The following PPP2R5E variants were observed in gnomAD, a reference collection of about 807,000 sequenced individuals.
PPP2R5E encodes serine/threonine-protein phosphatase 2A 56 kDa regulatory subunit epsilon isoform.
Under a neutral mutation model 65.3 loss-of-function variants are expected in PPP2R5E, and 4 were observed. The ratio of observed to expected loss-of-function variants is 0.06; its 90% CI spans 0.03 to 0.14. PPP2R5E has a LOEUF of 0.14. Ranked by LOEUF, PPP2R5E falls within the 10% of genes least tolerant of loss-of-function variation. The probability of loss-of-function intolerance (pLI) is 1.00; values close to 1 mark genes in which losing one functional copy is unlikely to be tolerated. For missense variants in PPP2R5E, 274 were observed against 556.1 expected (o/e 0.49, Z 5.10); for synonymous variants, 183 against 187.4 (o/e 0.98, Z 0.19).
intron 5 of PPP2R5E, among the ~76,000 whole-genome samples, chr14:63,412,433 AT>A (rs1289336198): frequency 6.6e-6 from 1 of 152,242 alleles, no homozygotes; most frequent in African/African-American, 2.4e-5. Flanking sequence ...CGACAAGGGA[AT>A]GAAAAAGCCA....
chr14:63,422,197 AG>A, intron 3 of PPP2R5E, 103 bp from the exon 4 acceptor site: 1 of 895,018 alleles, frequency 1.1e-6, no homozygotes. Flanking sequence ...ACAATGCACA[AG>A]GAACATCACC....
rs368414049 is a variant in PPP2R5E, at chr14:63,422,101, A to T, written c.355-7T>A. On this transcript the variant is annotated splice_polypyrimidine_tract_variant and splice_region_variant and intron_variant, in intron 3 of 13. Transcript: ENST00000337537. Reference sequence around the variant, plus strand: ...TGAATATATTGCAAGATACCTAAAAATAAACAAGCAGCAGAGTTAACGGGA... The same window carrying T: ...TGAATATATTGCAAGATACCTAAAATTAAACAAGCAGCAGAGTTAACGGGA... 4.4e-5 allele frequency: 71 copies of T among 1,602,848 alleles called. No homozygotes were observed. The highest frequency in any genetic ancestry group is 6.0e-5 in the Non-Finnish European group (70 of 1,170,002).
intron 2 of PPP2R5E, among the ~76,000 whole-genome samples, chr14:63,510,769 T>G (rs1892419495): frequency 2.0e-5 from 3 of 152,212 alleles, no homozygotes; most frequent in Non-Finnish European, 4.4e-5. Flanking sequence ...TTATTCTGAA[T>G]GAAATGAGAA....
chr14:63,540,038 T>C (rs975349036), intron 1 of PPP2R5E, among the ~76,000 whole-genome samples: 2 of 150,572 alleles, frequency 1.3e-5, no homozygotes, highest in Admixed American at 1.3e-4. Context: ...GGTGAAAGAA[T>C]CGCTTGAACC....
At chr14:63,453,467 T>A (rs1888961270) in intron 3 of PPP2R5E, 1 of 339,994 alleles carries the variant, frequency 2.9e-6, no homozygotes, top group South Asian at 1.2e-4. Flanking sequence ...TTTGAAGTCA[T>A]TTATTGCTTC....
At chr14:63,522,995 C>T (rs377231090) in intron 2 of PPP2R5E, among the ~76,000 whole-genome samples, 14,119 of 138,792 alleles carry the variant, frequency 0.1, 705 homozygotes, top group Middle Eastern at 0.17. Flanking sequence ...CCGCCCCGTC[C>T]GGGAGGTGAG....
rs80173933 is a variant in PPP2R5E, at chr14:63,435,873, C to T, written c.355-13779G>A. On this transcript the variant is annotated intron_variant, in intron 3 of 13. Transcript: ENST00000337537. Reference sequence around the variant, plus strand: ...CATCACAGGGAAATGATATTTCACACAGAGATGACTGTATTGTACTCGCTC... The same window carrying T: ...CATCACAGGGAAATGATATTTCACATAGAGATGACTGTATTGTACTCGCTC... 7.6e-4 allele frequency among the ~76,000 whole-genome samples: 116 copies of T among 152,292 alleles called. 2 individuals are homozygous for T. In the East Asian group the frequency reaches 0.02, roughly 26 times the overall value.
intron 2 of PPP2R5E, among the ~76,000 whole-genome samples, chr14:63,521,552 A>G (rs1441925246): frequency 1.3e-5 from 2 of 151,996 alleles, no homozygotes; most frequent in East Asian, 3.9e-4. Flanking sequence ...CGGTAATCCC[A>G]CTCAGGAGGC....
At chr14:63,487,374 CTT>C (rs981001067) in intron 2 of PPP2R5E, among the ~76,000 whole-genome samples, 8 of 152,028 alleles carry the variant, frequency 5.3e-5, no homozygotes, top group African/African-American at 1.5e-4. Context: ...TTAAATTCCT[CTT>C]GTCTTTTTCT....
intron 5 of PPP2R5E, among the ~76,000 whole-genome samples, chr14:63,404,536 G>C (rs544672446): frequency 6.6e-6 from 1 of 152,172 alleles, no homozygotes; most frequent in African/African-American, 2.4e-5. Context: ...CGACTCAAGG[G>C]ATGCACTGTA....
chr14:63,538,896 C>A (rs1202777712), intron 2 of PPP2R5E, among the ~76,000 whole-genome samples: 3 of 151,610 alleles, frequency 2.0e-5, no homozygotes, highest in African/African-American at 7.3e-5. Context: ...TGTGAACCAG[C>A]CTGAGCAACA....
chr14:63,394,146 A>G (rs1566670932), intron 7 of PPP2R5E, among the ~76,000 whole-genome samples: 1 of 146,150 alleles, frequency 6.8e-6, no homozygotes. Flanking sequence ...CAGTGGCCCA[A>G]TCTCAGCTCA....
chr14:63,406,501 A>G (rs1886102453), intron 5 of PPP2R5E, among the ~76,000 whole-genome samples: 1 of 152,166 alleles, frequency 6.6e-6, no homozygotes. Context: ...GAAAAGCCAA[A>G]AGATCTAGCA....
chr14:63,491,377 T>G (rs2139634164), intron 2 of PPP2R5E, among the ~76,000 whole-genome samples: 1 of 151,850 alleles, frequency 6.6e-6, no homozygotes, highest in Middle Eastern at 3.4e-3. Flanking sequence ...ATCTATAATT[T>G]TAAAAAAAAA....
intron 2 of PPP2R5E, among the ~76,000 whole-genome samples, chr14:63,527,208 G>T (rs1893219011): frequency 6.6e-6 from 1 of 152,114 alleles, no homozygotes; most frequent in Non-Finnish European, 1.5e-5. Context: ...ATTTTACCTG[G>T]TAATGCTCCA....
At chr14:63,496,443 C>CAAAAAAA (rs753525299) in intron 2 of PPP2R5E, among the ~76,000 whole-genome samples, 5 of 118,660 alleles carry the variant, frequency 4.2e-5, no homozygotes, top group African/African-American at 8.7e-5. Context: ...GACTCTGTCT[C>CAAAAAAA]AAAAAAAAAA....
chr14:63,382,979 T>G (rs951493805), intron 12 of PPP2R5E, among the ~76,000 whole-genome samples: 2 of 152,170 alleles, frequency 1.3e-5, no homozygotes, highest in Non-Finnish European at 1.5e-5. Flanking sequence ...AGCCCTCATG[T>G]AGGTTGGGTG....
At position 63,375,025 on chromosome 14, in the gene PPP2R5E, A is replaced by C. The variant is rs1216415976; in HGVS notation, c.*984T>G. The C allele has an allele frequency of 2.6e-5, 4 of 152,558 alleles. No individual in the cohort carries two copies. Among genetic ancestry groups the C allele is most frequent in the Non-Finnish European group, 5.9e-5 (4 of 67,998 alleles). The allele number at this position is 152,558 out of a possible 1,614,324, so 9.5% of individuals were successfully genotyped here. ...CTGGAATACTTTATAAATACATATT[A>C]AAAAGTAAGGCAACAACTCCAAACA... On this transcript the variant is annotated 3_prime_UTR_variant, in exon 14 of 14. Coordinates refer to ENST00000337537, the MANE Select transcript of PPP2R5E (RefSeq NM_006246.5).
intron 2 of PPP2R5E, among the ~76,000 whole-genome samples, chr14:63,519,961 C>T (rs977662032): frequency 2.1e-5 from 3 of 145,044 alleles, no homozygotes; most frequent in African/African-American, 7.6e-5. Context: ...CGCCTAGCTC[C>T]TACGGACAAA....
Sources: allele counts gnomAD v4.1 joint callset (sites outside exome capture counted in the v4.1 genomes callset), GRCh38; gene constraint gnomAD v4.1.1; transcripts MANE v1.5; gene names NCBI Gene and HGNC (gene_info 2026-07-23, HGNC 2026-07-21).